ATOSA: variants seen among roughly 807,000 people sequenced by gnomAD.
The protein encoded by ATOSA is atos homolog A.
the ATOSA span, among the ~76,000 whole-genome samples, chr15:52,648,395 T>C: frequency 6.6e-6 from 1 of 152,178 alleles, no homozygotes; most frequent in Admixed American, 6.5e-5. Flanking sequence ...TTAACACATG[T>C]ATATGATGTG....
At chr15:52,610,617 G>C in the ATOSA span, among the ~76,000 whole-genome samples, 1 of 152,178 alleles carries the variant, frequency 6.6e-6, no homozygotes, top group African/African-American at 2.4e-5. Context: ...GATCACTTAA[G>C]CATTAAAGCT....
chr15:52,706,254 C>G, the ATOSA span, among the ~76,000 whole-genome samples: 1 of 152,278 alleles, frequency 6.6e-6, no homozygotes, highest in South Asian at 2.1e-4. Flanking sequence ...ACGCAATGTT[C>G]TCTCAAATGA....
chr15:52,665,329 G>A, the ATOSA span, among the ~76,000 whole-genome samples: 1 of 152,220 alleles, frequency 6.6e-6, no homozygotes, highest in African/African-American at 2.4e-5. Context: ...GGCATATAAT[G>A]TTGGAGAATG....
chr15:52,608,189 C>T, the ATOSA span, among the ~76,000 whole-genome samples: 1 of 152,104 alleles, frequency 6.6e-6, no homozygotes, highest in South Asian at 2.1e-4. Flanking sequence ...TTGTGCCTGG[C>T]CTGGGTGCTT....
the ATOSA span, among the ~76,000 whole-genome samples, chr15:52,708,053 G>A: frequency 6.6e-6 from 1 of 152,142 alleles, no homozygotes; most frequent in Admixed American, 6.5e-5. Flanking sequence ...TTCAGGAAAG[G>A]AGAGTAAAGT....
chr15:52,684,998 A>T, the ATOSA span, among the ~76,000 whole-genome samples: 1 of 152,264 alleles, frequency 6.6e-6, no homozygotes, highest in African/African-American at 2.4e-5. Flanking sequence ...CTTTAAAAAT[A>T]TTGATCACAT....
At chr15:52,593,137 T>G in the ATOSA span, among the ~76,000 whole-genome samples, 1 of 148,424 alleles carries the variant, frequency 6.7e-6, no homozygotes, top group Admixed American at 6.7e-5. Flanking sequence ...GAGAGTGAGA[T>G]GCTGTCAAAA....
chr15:52,607,992 C>G, the ATOSA span, among the ~76,000 whole-genome samples: 1 of 152,112 alleles, frequency 6.6e-6, no homozygotes, highest in African/African-American at 2.4e-5. Context: ...GTGATTCCCC[C>G]ACCTCAGCCT....
the ATOSA span, among the ~76,000 whole-genome samples, chr15:52,702,772 G>T: frequency 1.9e-5 from 2 of 107,246 alleles, no homozygotes; most frequent in South Asian, 3.2e-4. Flanking sequence ...GAAAAAAAAA[G>T]TGTTTCCAAA....
At chr15:52,587,482 G>A in the ATOSA span, 11 of 258,894 alleles carry the variant, frequency 4.2e-5, no homozygotes, top group Admixed American at 1.1e-4. Flanking sequence ...AGGAATAAAA[G>A]AAAGAAGTTC....
the ATOSA span, among the ~76,000 whole-genome samples, chr15:52,701,734 T>C: frequency 6.6e-6 from 1 of 152,154 alleles, no homozygotes; most frequent in Non-Finnish European, 1.5e-5. Context: ...AATCTAAAAT[T>C]GTGCATTAAA....
chr15:52,653,620 G>A, the ATOSA span, among the ~76,000 whole-genome samples: 541 of 152,262 alleles, frequency 3.6e-3, 2 homozygotes, highest in African/African-American at 0.013. Flanking sequence ...TACTAACAGC[G>A]AGACCACATA....
chr15:52,665,039 T>C, the ATOSA span, among the ~76,000 whole-genome samples: 1 of 152,290 alleles, frequency 6.6e-6, no homozygotes, highest in African/African-American at 2.4e-5. Context: ...ACGTTCTCAC[T>C]TGTAAATGGG....
chr15:52,647,639 T>G, the ATOSA span, among the ~76,000 whole-genome samples: 1 of 151,830 alleles, frequency 6.6e-6, no homozygotes, highest in Non-Finnish European at 1.5e-5. Context: ...TACTTCCCAG[T>G]AAATAAATCA....
At chr15:52,637,544 C>A in the ATOSA span, among the ~76,000 whole-genome samples, 1 of 152,176 alleles carries the variant, frequency 6.6e-6, no homozygotes, top group Non-Finnish European at 1.5e-5. Context: ...CAAGTTTAGT[C>A]CTCACTGCCA....
At chr15:52,661,734 AGGCTACGACCTCCTG>A in the ATOSA span, among the ~76,000 whole-genome samples, 1 of 152,180 alleles carries the variant, frequency 6.6e-6, no homozygotes, top group Non-Finnish European at 1.5e-5. Flanking sequence ...GGCCATGGTT[AGGCTACGACCTCCTG>A]GACCACAGAA....
At chr15:52,610,428 T>G in the ATOSA span, 1 of 1,520,740 alleles carries the variant, frequency 6.6e-7, no homozygotes, top group South Asian at 1.3e-5. Context: ...TTATAAAGGT[T>G]AGATCCTTAT....
the ATOSA span, chr15:52,678,832 C>CGCG: frequency 6.5e-6 from 1 of 153,378 alleles, no homozygotes; most frequent in Non-Finnish European, 1.4e-5. Flanking sequence ...CCGCACCGAG[C>CGCG]GCCGCGTCTG....
At chr15:52,642,487 T>C in the ATOSA span, among the ~76,000 whole-genome samples, 2 of 152,190 alleles carry the variant, frequency 1.3e-5, no homozygotes, top group Non-Finnish European at 2.9e-5. Flanking sequence ...TACAAAATAC[T>C]AGAATCCCAT....
Sources: allele counts gnomAD v4.1 joint callset (sites outside exome capture counted in the v4.1 genomes callset), GRCh38; gene constraint gnomAD v4.1.1; transcripts MANE v1.5; gene names NCBI Gene and HGNC (gene_info 2026-07-23, HGNC 2026-07-21).